The following CCPG1 variants were observed in gnomAD, a reference collection of about 807,000 sequenced individuals.
The protein encoded by CCPG1 is cell cycle progression protein 1.
In CCPG1, 46 loss-of-function variants were observed where a neutral mutation model predicts 81.3. The ratio of observed to expected loss-of-function variants is 0.57; its 90% CI spans 0.45 to 0.72. CCPG1 has a LOEUF of 0.72. Among genes scored for constraint, CCPG1 ranks in the 30% least tolerant of loss-of-function variants. CCPG1 has a pLI of 0.00. For missense variants in CCPG1, 902 were observed against 937.6 expected, an observed-to-expected ratio of 0.96 and a Z score of 0.50; for synonymous variants, 330 against 305.2, an observed-to-expected ratio of 1.08 and a Z score of -0.85.
At chr15:55,367,089 T>C (rs890269845) in intron 6 of CCPG1, among the ~76,000 whole-genome samples, 28 of 152,216 alleles carry the variant, frequency 1.8e-4, no homozygotes, top group Admixed American at 7.2e-4. Flanking sequence ...TGTTACATAG[T>C]CTAGCTATGA....
At chr15:55,374,008 A>G (rs891994105) in intron 5 of CCPG1, 8 of 322,514 alleles carry the variant, frequency 2.5e-5, no homozygotes, top group Non-Finnish European at 4.1e-5. Flanking sequence ...GCATGCAATA[A>G]GCTTGGCCAG....
At chr15:55,380,868 C>T (rs563748526) in intron 3 of CCPG1, among the ~76,000 whole-genome samples, 10 of 134,498 alleles carry the variant, frequency 7.4e-5, no homozygotes, top group Middle Eastern at 3.6e-3. Context: ...CCGGGCGCGG[C>T]GGCTCACGCC....
chr15:55,371,597 C>T (rs1341154730), intron 6 of CCPG1, among the ~76,000 whole-genome samples, 196 bp downstream of exon 6: 1 of 152,136 alleles, frequency 6.6e-6, no homozygotes, highest in African/African-American at 2.4e-5. Flanking sequence ...ATAACTACTA[C>T]CTTATTTAAA....
chr15:55,371,057 G>A (rs1479576324), intron 6 of CCPG1, among the ~76,000 whole-genome samples: 1 of 152,012 alleles, frequency 6.6e-6, no homozygotes, highest in African/African-American at 2.4e-5. Context: ...AGTTTGCATT[G>A]AGCTGAGATT....
intron 3 of CCPG1, among the ~76,000 whole-genome samples, chr15:55,384,376 C>T (rs192650330): frequency 6.6e-5 from 10 of 152,228 alleles, no homozygotes; most frequent in African/African-American, 2.4e-4. Flanking sequence ...ATGACAATTA[C>T]AGGCCAGGCG....
chr15:55,402,433 G>A (rs1429366447), intron 1 of CCPG1, among the ~76,000 whole-genome samples: 2 of 152,016 alleles, frequency 1.3e-5, no homozygotes, highest in Non-Finnish European at 2.9e-5. Flanking sequence ...TCACCATGTT[G>A]GGCCAGACTG....
intron 2 of CCPG1, among the ~76,000 whole-genome samples, chr15:55,387,535 A>C (rs2141308594): frequency 6.6e-6 from 1 of 152,254 alleles, no homozygotes; most frequent in East Asian, 1.9e-4. Flanking sequence ...TAAAAAACAA[A>C]AATTTTTTAA....
In CCPG1 at chr15:55,365,129, C is replaced by G. The variant is rs902506244; in HGVS notation, c.828+59G>C. ...TCTGCACTAATAAGCACAATAAGCTCTAACTAATAAGCAAAATAATTACTA... is the reference window on the plus strand; with the variant it reads ...TCTGCACTAATAAGCACAATAAGCTGTAACTAATAAGCAAAATAATTACTA... On this transcript the variant is annotated intron_variant, in intron 7 of 8. Transcript: ENST00000442196. The G allele has an allele frequency of 1.3e-5, 14 of 1,042,538 alleles. No individual in the cohort carries two copies. In the East Asian group the frequency reaches 3.4e-4, roughly 25 times the overall value. The allele number at this position is 1,042,538 out of a possible 1,614,324, so 64.6% of individuals were successfully genotyped here. A position where few individuals can be genotyped will look rare whatever the true frequency, so the allele number is the denominator to read the frequency against.
rs542835314 is a variant in CCPG1 at position 55,377,068 on chromosome 15, G to C, written c.335C>G (p.Pro112Arg). Residue 112 changes from proline (P) to arginine (R), a missense_variant, in exon 5 of 9, where the codon CCT becomes CGT. Transcript: ENST00000442196. Reference sequence around the variant, plus strand: ...TTGATTTCCAATTTCTTCTAACTTAGGTGGCTCAAGGGTAACAATATCAGA... The same window carrying C: ...TTGATTTCCAATTTCTTCTAACTTACGTGGCTCAAGGGTAACAATATCAGA... ...DDSDIVTLEPPKLEEIGNQEV... is the reference protein window; with the variant it reads ...DDSDIVTLEPRKLEEIGNQEV... 155 of 1,613,616 alleles carry C rather than the reference G, an allele frequency of 9.6e-5. 2 individuals are homozygous for C. In the South Asian group the frequency reaches 1.5e-3, roughly 16 times the overall value.
rs1338561640 is a variant in CCPG1 at position 55,372,064 on chromosome 15, C to T, written c.455-20G>A. On this transcript the variant is annotated intron_variant, in intron 5 of 8. Transcript: ENST00000442196. The stretch of plus-strand genomic sequence containing the variant: ...AAAATACTATTAAGAAAAAAGTTGA[C>T]ATTTAGCTATTCAAAATCTTGGAAA... The T allele has an allele frequency of 1.2e-6, 2 of 1,600,322 alleles. No individual in the cohort carries two copies. The highest frequency in any genetic ancestry group is 1.7e-6 in the Non-Finnish European group (2 of 1,172,504).
chr15:55,377,593 C>A (rs941114603), intron 4 of CCPG1, among the ~76,000 whole-genome samples: 2 of 152,202 alleles, frequency 1.3e-5, no homozygotes, highest in Non-Finnish European at 2.9e-5. Context: ...CCACAAATTT[C>A]TACGCTGGAA....
chr15:55,406,436 CTTTTTTTTTTTTTGT>C (rs1595873414), intron 1 of CCPG1, among the ~76,000 whole-genome samples: 3 of 126,272 alleles, frequency 2.4e-5, no homozygotes, highest in African/African-American at 6.0e-5. Context: ...TTCTTTTTCT[CTTTTTTTTTTTTTGT>C]TTTTTTTTTT....
In CCPG1 at chr15:55,365,321, AT is replaced by A; in HGVS notation, c.707-13del. 2 of 1,476,452 alleles carry A rather than the reference AT, an allele frequency of 1.4e-6. No homozygotes were observed. The highest frequency in any genetic ancestry group is 1.9e-6 in the Non-Finnish European group (2 of 1,079,486). 91.5% of individuals were successfully genotyped at this position (1,476,452 alleles called of 1,614,324 possible). A position where few individuals can be genotyped will look rare whatever the true frequency, so the allele number is the denominator to read the frequency against. ...AATCTGAATTGTGCCTAAAATAAAT[AT>A]TTTTATTAAAGGTATGTAACAAAAA... is the stretch of plus-strand genomic sequence containing the variant. On this transcript the variant is annotated splice_polypyrimidine_tract_variant and intron_variant, in intron 6 of 8. Coordinates refer to ENST00000442196, the MANE Select transcript of CCPG1 (RefSeq NM_001204450.2).
intron 3 of CCPG1, 22 bp from the exon 4 acceptor site, chr15:55,378,398 T>G (rs1323930925): frequency 6.7e-7 from 1 of 1,484,120 alleles, no homozygotes; most frequent in Non-Finnish European, 9.3e-7. Flanking sequence ...CAAAGATCAA[T>G]ATAATTATTT....
At chr15:55,397,843 G>A (rs1595865302) in intron 1 of CCPG1, among the ~76,000 whole-genome samples, 1 of 152,120 alleles carries the variant, frequency 6.6e-6, no homozygotes, top group Non-Finnish European at 1.5e-5. Context: ...CAGGTGGTCT[G>A]GTGGATGCCT....
At chr15:55,405,034 G>A (rs751364694) in intron 1 of CCPG1, among the ~76,000 whole-genome samples, 5 of 152,000 alleles carry the variant, frequency 3.3e-5, no homozygotes, top group Admixed American at 6.6e-5. Context: ...TGACCAGCCC[G>A]GCTAACATGG....
intron 1 of CCPG1, among the ~76,000 whole-genome samples, chr15:55,397,431 G>A (rs11637024): frequency 7.0e-6 from 1 of 143,348 alleles, no homozygotes; most frequent in Non-Finnish European, 1.5e-5. Context: ...AAAGGCAGAA[G>A]CAAGAAGTTC....
chr15:55,388,042 T>G (rs2056838264), intron 2 of CCPG1, among the ~76,000 whole-genome samples: 1 of 151,666 alleles, frequency 6.6e-6, no homozygotes, highest in African/African-American at 2.4e-5. Flanking sequence ...TCCCAGCTAC[T>G]CCAGAGGCTG....
At chr15:55,387,033 G>A (rs949186000) in intron 2 of CCPG1, among the ~76,000 whole-genome samples, 6 of 152,204 alleles carry the variant, frequency 3.9e-5, no homozygotes, top group African/African-American at 1.4e-4. Flanking sequence ...GGAATTGCTG[G>A]GGAAACCAAT....
Sources: gnomAD v4.1 joint callset for allele counts (sites outside exome capture counted in the v4.1 genomes callset) on GRCh38, gnomAD v4.1.1 for gene constraint, MANE v1.5 for transcripts, NCBI Gene and HGNC (gene_info 2026-07-23, HGNC 2026-07-21) for gene names.